CDH7: variants seen among roughly 807,000 people sequenced by gnomAD.
CDH7 encodes cadherin 7, also known as cadherin-7.
CDH7 carries 25 observed loss-of-function variants against 71.8 expected under a neutral mutation model. That is an observed-to-expected ratio of 0.35 (90% CI 0.25 to 0.49). The LOEUF is 0.49. Among genes scored for constraint, CDH7 ranks in the 20% least tolerant of loss-of-function variants. The pLI is 0.99. For synonymous variants in CDH7, 381 were observed against 363.8 expected, an observed-to-expected ratio of 1.05 and a Z score of -0.54; for missense variants, 862 against 974.6, an observed-to-expected ratio of 0.88 and a Z score of 1.54.
In CDH7 at chr18:65,781,867, TC is replaced by T. The variant is rs1292127337; in HGVS notation, c.210+18816del. 7.2e-4 allele frequency among the ~76,000 whole-genome samples: 41 copies of T among 56,830 alleles called. 2 individuals carry two copies. Among genetic ancestry groups the T allele is most frequent in the African/African-American group, 2.2e-3 (21 of 9,682 alleles). The allele number at this position is 56,830 out of a possible 152,430, so 37.3% of individuals were successfully genotyped here. On this transcript the variant is annotated intron_variant, in intron 2 of 11. Coordinates refer to ENST00000397968, the MANE Select transcript of CDH7 (RefSeq NM_004361.5). ...CTTTCTTTCTTTCTTTCTTTCTTTC[TC>T]TCTCTCTCTCTGTCTCTCTCTCTCT...
chr18:65,865,780 G>C (rs933372118), intron 11 of CDH7: 12 of 152,242 alleles, frequency 7.9e-5, no homozygotes, highest in African/African-American at 2.9e-4. Context: ...GTATTCACAG[G>C]GGGTGCATGT....
intron 11 of CDH7, chr18:65,866,315 CA>C (rs1568228989): frequency 1.5e-3 from 2 of 1,358 alleles, no homozygotes; most frequent in African/African-American, 3.0e-3. Context: ...AAAAAAAAAA[CA>C]AAAAAAAAAA....
intron 2 of CDH7, among the ~76,000 whole-genome samples, chr18:65,779,362 T>C: frequency 8.0e-6 from 1 of 125,062 alleles, no homozygotes; most frequent in African/African-American, 3.3e-5. Flanking sequence ...TGCAGGTTAG[T>C]TACATATGTA....
chr18:65,864,285 G>C (rs1448430412), intron 11 of CDH7, among the ~76,000 whole-genome samples: 1 of 152,050 alleles, frequency 6.6e-6, no homozygotes, highest in East Asian at 1.9e-4. Context: ...CCAACCTGTG[G>C]CCTGCAAGCC....
chr18:65,774,122 A>T (rs1255622325), intron 2 of CDH7, among the ~76,000 whole-genome samples: 2 of 151,936 alleles, frequency 1.3e-5, no homozygotes, highest in Non-Finnish European at 2.9e-5. Flanking sequence ...AAAAATCAAG[A>T]TTTTTATTTC....
intron 1 of CDH7, among the ~76,000 whole-genome samples, chr18:65,760,210 C>T (rs566509170): frequency 3.0e-4 from 46 of 152,240 alleles, no homozygotes; most frequent in African/African-American, 1.1e-3. Context: ...ATGATTTGCT[C>T]ATTTAATCCT....
chr18:65,811,842 C>T (rs1428394791), intron 3 of CDH7, among the ~76,000 whole-genome samples: 3 of 151,778 alleles, frequency 2.0e-5, no homozygotes, highest in Non-Finnish European at 4.4e-5. Context: ...TTTGATGGTA[C>T]TCTGACATGA....
In CDH7 at chr18:65,762,849, T is replaced by C. The variant is rs1916234785; in HGVS notation, c.7T>C (p.Leu3=). The change falls in exon 2 of 12, where the codon TTG becomes CTG. Residue 3 remains leucine, a synonymous_variant. Transcript: ENST00000397968. ...AAAGAAAGAAAAAAAAAAGATGAAG[T>C]TGGGCAAAGTGGAGTTCTGCCATTT... MK[L]GKVEFCHFLQ... 3 of 1,605,616 alleles carry C rather than the reference T, an allele frequency of 1.9e-6. No homozygotes were observed. The highest frequency in any genetic ancestry group is 2.5e-6 in the Non-Finnish European group (3 of 1,177,438).
chr18:65,815,258 T>G (rs1318844325), intron 4 of CDH7, among the ~76,000 whole-genome samples: 1 of 152,148 alleles, frequency 6.6e-6, no homozygotes, highest in East Asian at 1.9e-4. Context: ...ATTGATATTT[T>G]AATGTATTCA....
chr18:65,844,513 G>T (rs983000785), intron 7 of CDH7, among the ~76,000 whole-genome samples: 68 of 151,882 alleles, frequency 4.5e-4, no homozygotes, highest in Middle Eastern at 3.4e-3. Context: ...GTATATATTT[G>T]TTCAGTTTAA....
rs186673899 is a variant in CDH7 at position 65,792,159 on chromosome 18, G to A, written c.211-17545G>A. Among the ~76,000 whole-genome samples, 843 of 147,642 alleles carry A rather than the reference G, an allele frequency of 5.7e-3. 9 individuals are homozygous for A. The highest frequency in any genetic ancestry group is 0.02 in the African/African-American group (821 of 40,076). On this transcript the variant is annotated intron_variant, in intron 2 of 11. Transcript: ENST00000397968. ...AAAAGTTCTAGCTATACTCCATGGAGCCCCAGAATGTCTGCTGCAGCCAGT... is the reference window on the plus strand; with the variant it reads ...AAAAGTTCTAGCTATACTCCATGGAACCCCAGAATGTCTGCTGCAGCCAGT...
At position 65,889,242 on chromosome 18, in the gene CDH7, C is replaced by A. The variant is rs1177562656; in HGVS notation, c.*8348C>A. The stretch of plus-strand genomic sequence containing the variant: ...TGGCACACAAGGGTAGGAGAAAAAT[C>A]CCAACAACCCTTCCACCTTTTCCAA... On this transcript the variant is annotated 3_prime_UTR_variant, in exon 12 of 12. Coordinates refer to ENST00000397968, the MANE Select transcript of CDH7 (RefSeq NM_004361.5). The A allele has an allele frequency of 6.6e-6, 1 of 151,946 alleles. No homozygotes were observed. Among genetic ancestry groups the A allele is most frequent in the Non-Finnish European group, 1.5e-5 (1 of 67,978 alleles). 9.4% of individuals were successfully genotyped at this position (151,946 alleles called of 1,614,324 possible). A position where few individuals can be genotyped will look rare whatever the true frequency, so the allele number is the denominator to read the frequency against.
chr18:65,817,217 T>C (rs971554167), intron 4 of CDH7, among the ~76,000 whole-genome samples: 1 of 152,202 alleles, frequency 6.6e-6, no homozygotes, highest in Non-Finnish European at 1.5e-5. Flanking sequence ...ACGTGGTGGC[T>C]GCATTATATG....
chr18:65,757,705 GT>G (rs1186345532), intron 1 of CDH7, among the ~76,000 whole-genome samples: 2 of 151,604 alleles, frequency 1.3e-5, no homozygotes, highest in African/African-American at 2.4e-5. Flanking sequence ...ACCTGTTCTT[GT>G]TTTTCTCTTC....
intron 7 of CDH7, among the ~76,000 whole-genome samples, chr18:65,846,589 C>T (rs62088984): frequency 6.6e-6 from 1 of 152,098 alleles, no homozygotes; most frequent in Non-Finnish European, 1.5e-5. Context: ...GCATTTGTCT[C>T]TCACATACTT....
intron 11 of CDH7, among the ~76,000 whole-genome samples, chr18:65,869,483 A>G (rs1363602146): frequency 1.3e-5 from 2 of 151,066 alleles, no homozygotes; most frequent in Admixed American, 1.3e-4. Flanking sequence ...GCTTTTTCTA[A>G]GACTCATTCT....
At chr18:65,820,873 C>T (rs949165431) in intron 4 of CDH7, among the ~76,000 whole-genome samples, 4 of 152,032 alleles carry the variant, frequency 2.6e-5, no homozygotes, top group Non-Finnish European at 5.9e-5. Flanking sequence ...GGGTTATAGA[C>T]TTCTCTCCAT....
chr18:65,869,385 C>T (rs1486538304), intron 11 of CDH7, among the ~76,000 whole-genome samples: 4 of 151,960 alleles, frequency 2.6e-5, no homozygotes, highest in Non-Finnish European at 4.4e-5. Context: ...ACTAAAATCA[C>T]AGACTCTCCA....
At chr18:65,768,077 A>G (rs1916430218) in intron 2 of CDH7, among the ~76,000 whole-genome samples, 2 of 152,134 alleles carry the variant, frequency 1.3e-5, no homozygotes, top group South Asian at 4.1e-4. Flanking sequence ...TGGGCTCCAC[A>G]TTTCCTGATT....
Sources: gnomAD v4.1 joint callset for allele counts (sites outside exome capture counted in the v4.1 genomes callset) on GRCh38, gnomAD v4.1.1 for gene constraint, MANE v1.5 for transcripts, NCBI Gene and HGNC (gene_info 2026-07-23, HGNC 2026-07-21) for gene names.